PRKN: variants seen among roughly 807,000 people sequenced by gnomAD.
The protein encoded by PRKN is E3 ubiquitin-protein ligase parkin.
PRKN carries 56 observed loss-of-function variants against 59.5 expected under a neutral mutation model. The ratio of observed to expected loss-of-function variants is 0.94; its 90% CI spans 0.76 to 1.18. PRKN has a LOEUF of 1.18. Ranked by LOEUF, PRKN falls within the 50% of genes most tolerant of loss-of-function variation. The probability of loss-of-function intolerance (pLI) is 0.00; values close to 1 mark genes in which losing one functional copy is unlikely to be tolerated. For synonymous variants in PRKN, 250 were observed against 222.1 expected (o/e 1.13, Z -1.12); for missense variants, 657 against 596.4 (o/e 1.10, Z -1.06).
chr6:161,766,559 T>TC (rs1212066616), intron 7 of PRKN, among the ~76,000 whole-genome samples: 1 of 152,064 alleles, frequency 6.6e-6, no homozygotes, highest in Non-Finnish European at 1.5e-5. Context: ...CCTCCCACCT[T>TC]TTTTGTTGTA....
At chr6:161,724,950 A>G (rs1787378225) in intron 7 of PRKN, among the ~76,000 whole-genome samples, 1 of 152,176 alleles carries the variant, frequency 6.6e-6, no homozygotes, top group South Asian at 2.1e-4. Flanking sequence ...GAGTTCTCAT[A>G]AGATCTGGTT....
At chr6:161,998,924 T>C (rs1332339467) in intron 5 of PRKN, among the ~76,000 whole-genome samples, 1 of 152,146 alleles carries the variant, frequency 6.6e-6, no homozygotes, top group Non-Finnish European at 1.5e-5. Context: ...GAACTGAGTA[T>C]GTGTGTTTAG....
intron 2 of PRKN, among the ~76,000 whole-genome samples, chr6:162,442,959 T>C (rs768257094): frequency 5.9e-5 from 9 of 152,110 alleles, no homozygotes; most frequent in Non-Finnish European, 1.2e-4. Context: ...TTTATTCGAA[T>C]CCTTCTTCGT....
intron 7 of PRKN, among the ~76,000 whole-genome samples, chr6:161,705,868 C>T (rs1156444498): frequency 6.6e-6 from 1 of 152,144 alleles, no homozygotes; most frequent in East Asian, 1.9e-4. Flanking sequence ...TTAGCTTCTA[C>T]TCCATTGTCA....
chr6:161,796,093 T>C (rs970879497), intron 6 of PRKN, among the ~76,000 whole-genome samples: 5 of 152,178 alleles, frequency 3.3e-5, no homozygotes, highest in Admixed American at 6.5e-5. Flanking sequence ...TTTTGAGCCA[T>C]TGACAATAAA....
At chr6:162,532,080 C>A (rs1241298859) in intron 1 of PRKN, among the ~76,000 whole-genome samples, 1 of 136,638 alleles carries the variant, frequency 7.3e-6, no homozygotes, top group Admixed American at 7.4e-5. Flanking sequence ...CTTTGGCCTA[C>A]AGCAAAATAT....
In PRKN at chr6:162,049,208, A is replaced by G. The variant is rs145819867; in HGVS notation, c.618+4883T>C. Among the ~76,000 whole-genome samples, 921 of 152,160 alleles carry G rather than the reference A, an allele frequency of 6.1e-3. 7 individuals are homozygous for G. The highest frequency in any genetic ancestry group is 0.021 in the African/African-American group (870 of 41,532). ...ATTAATTAATTAAGAATATATTAGG[A>G]ACACTGCTATTTTAAGTTCTAAGTA... On this transcript the variant is annotated intron_variant, in intron 5 of 11. Transcript: ENST00000366898.
At chr6:161,739,655 G>A (rs755579509) in intron 7 of PRKN, among the ~76,000 whole-genome samples, 1 of 151,988 alleles carries the variant, frequency 6.6e-6, no homozygotes, top group African/African-American at 2.4e-5. Context: ...CAAATAAACC[G>A]TATTTCAGCA....
chr6:161,835,831 A>G (rs1792730898), intron 6 of PRKN, among the ~76,000 whole-genome samples: 1 of 152,216 alleles, frequency 6.6e-6, no homozygotes, highest in Non-Finnish European at 1.5e-5. Context: ...GTTTGCAAAC[A>G]CGCTAACTGG....
intron 5 of PRKN, among the ~76,000 whole-genome samples, chr6:162,041,815 G>A (rs547896611): frequency 6.6e-6 from 1 of 152,234 alleles, no homozygotes; most frequent in Non-Finnish European, 1.5e-5. Flanking sequence ...GTATCTTCTG[G>A]TTTGGGTAAC....
intron 2 of PRKN, among the ~76,000 whole-genome samples, chr6:162,272,727 G>A (rs751724970): frequency 2.0e-5 from 3 of 152,128 alleles, no homozygotes; most frequent in Non-Finnish European, 4.4e-5. Context: ...GCTGGGTGCG[G>A]TGGCTCATGC....
chr6:161,722,676 C>A (rs1405391897), intron 7 of PRKN, among the ~76,000 whole-genome samples: 3 of 152,044 alleles, frequency 2.0e-5, no homozygotes, highest in Admixed American at 6.5e-5. Context: ...GAATCCAGGG[C>A]AAAATGGAAC....
chr6:161,512,700 G>T (rs145798480), intron 9 of PRKN, among the ~76,000 whole-genome samples: 1 of 152,022 alleles, frequency 6.6e-6, no homozygotes, highest in Non-Finnish European at 1.5e-5. Context: ...TGTTCTACAC[G>T]AGGAGAAAAC....
rs2078455 is a variant in PRKN at position 162,359,076 on chromosome 6, A to T, written c.171+84234T>A. Among the ~76,000 whole-genome samples the T allele has an allele frequency of 4.7e-4, 41 of 86,482 alleles. No homozygotes were observed. In the South Asian group the frequency reaches 0.011, roughly 23 times the overall value. The allele number at this position is 86,482 out of a possible 152,430, so 56.7% of individuals were successfully genotyped here. ...CACTGTGGCAAAAAAAAAAAAAAAA[A>T]AAAATATATATATATATATATGAAA... On this transcript the variant is annotated intron_variant, in intron 2 of 11. Transcript: ENST00000366898.
chr6:161,955,660 GA>G (rs1240345659), intron 6 of PRKN, among the ~76,000 whole-genome samples: 1 of 152,140 alleles, frequency 6.6e-6, no homozygotes, highest in African/African-American at 2.4e-5. Flanking sequence ...AGACCAGCCT[GA>G]TGAATATGGT....
chr6:161,782,902 A>T (rs1036425370), intron 7 of PRKN, among the ~76,000 whole-genome samples: 21 of 152,160 alleles, frequency 1.4e-4, no homozygotes, highest in East Asian at 9.6e-4. Flanking sequence ...TCAAAAAAAT[A>T]AATTAATTAA....
chr6:161,829,916 G>A (rs1247410851), intron 6 of PRKN, among the ~76,000 whole-genome samples: 1 of 151,576 alleles, frequency 6.6e-6, no homozygotes, highest in Non-Finnish European at 1.5e-5. Flanking sequence ...TGTAGCAAGT[G>A]AACAAGTTTG....
chr6:162,101,399 TGGCTC>T (rs1323810112), intron 4 of PRKN, among the ~76,000 whole-genome samples: 1 of 151,780 alleles, frequency 6.6e-6, no homozygotes, highest in African/African-American at 2.4e-5. Flanking sequence ...CCAGGCGCGG[TGGCTC>T]ACGCCTGTAA....
chr6:161,657,080 A>T (rs1784375246), intron 7 of PRKN, among the ~76,000 whole-genome samples: 1 of 152,104 alleles, frequency 6.6e-6, no homozygotes, highest in Non-Finnish European at 1.5e-5. Context: ...AGACACTAAA[A>T]ATTCAGTCCA....
Sources: gnomAD v4.1 joint callset for allele counts (sites outside exome capture counted in the v4.1 genomes callset) on GRCh38, gnomAD v4.1.1 for gene constraint, MANE v1.5 for transcripts, NCBI Gene and HGNC (gene_info 2026-07-23, HGNC 2026-07-21) for gene names.